Variants in WNK2 observed in about 807,000 individuals in gnomAD.
WNK2 encodes WNK lysine deficient protein kinase 2, also known as serine/threonine-protein kinase WNK2.
A neutral mutation model predicts 192.1 loss-of-function variants in WNK2; 67 were observed. The observed-to-expected ratio is 0.35, with a 90% CI of 0.29 to 0.43. The LOEUF (loss-of-function observed/expected upper bound fraction) is 0.43, where lower values mean the gene tolerates loss of function less well. Among genes scored for constraint, WNK2 ranks in the 20% least tolerant of loss-of-function variants. The probability of loss-of-function intolerance (pLI) is 1.00; values close to 1 mark genes in which losing one functional copy is unlikely to be tolerated. For synonymous variants in WNK2, 1,439 were observed against 1,393.9 expected (o/e 1.03, Z -0.72); for missense variants, 2,698 against 3,089.7 (o/e 0.87, Z 3.01).
intron 28 of WNK2, 149 bp downstream of exon 28, chr9:93,308,733 G>A (rs929630788): frequency 7.9e-6 from 11 of 1,388,718 alleles, no homozygotes; most frequent in Non-Finnish European, 1.0e-5. Flanking sequence ...CCAAGAACTA[G>A]GCTTGTCCAC....
rs988376364 is a variant in WNK2 at position 93,231,250 on chromosome 9, G to A, written c.1075+142G>A. ...GTCTGGGCACGGGAGCCTCGGGCCAGGGTGTCTGGGCTACCCCACCAAGCC... is the reference window on the plus strand; with the variant it reads ...GTCTGGGCACGGGAGCCTCGGGCCAAGGTGTCTGGGCTACCCCACCAAGCC... On this transcript the variant is annotated intron_variant, in intron 4 of 29. Transcript: ENST00000427277. 9.5e-5 allele frequency: 76 copies of A among 803,328 alleles called. 1 individual carries two copies. In the East Asian group the frequency reaches 1.7e-3, roughly 18 times the overall value. 49.8% of individuals were successfully genotyped at this position (803,328 alleles called of 1,614,324 possible).
intron 2 of WNK2, among the ~76,000 whole-genome samples, chr9:93,204,252 G>T (rs1587852206): frequency 6.6e-6 from 1 of 152,328 alleles, no homozygotes; most frequent in South Asian, 2.1e-4. Flanking sequence ...AGTGGGAGAA[G>T]CAGAGGCAAG....
intron 19 of WNK2, among the ~76,000 whole-genome samples, chr9:93,270,621 T>C (rs559936523): frequency 2.6e-5 from 4 of 152,310 alleles, no homozygotes; most frequent in Non-Finnish European, 5.9e-5. Context: ...AATGCTTTGG[T>C]GCAGGCAGGA....
chr9:93,279,322 A>G (rs1189238912), intron 19 of WNK2, among the ~76,000 whole-genome samples: 3 of 152,268 alleles, frequency 2.0e-5, no homozygotes, highest in Non-Finnish European at 2.9e-5. Context: ...ACAACAATCA[A>G]AGATTGAAAT....
chr9:93,317,485 G>A (rs1009148978), intron 28 of WNK2, 35 bp from the exon 29 acceptor site: 8 of 1,607,928 alleles, frequency 5.0e-6, no homozygotes, highest in African/African-American at 1.3e-5. Flanking sequence ...TTGCAGCCAC[G>A]TGTACCTTCC....
At chr9:93,267,617 G>A (rs1845378089) in intron 16 of WNK2, 129 bp from the exon 17 acceptor site, 1 of 1,104,956 alleles carries the variant, frequency 9.1e-7, no homozygotes, top group Non-Finnish European at 1.3e-6. Context: ...CCCCTGTCTT[G>A]GGGACTGCAC....
At chr9:93,201,414 G>A (rs1023610372) in intron 2 of WNK2, among the ~76,000 whole-genome samples, 10 of 152,338 alleles carry the variant, frequency 6.6e-5, no homozygotes, top group African/African-American at 1.9e-4. Flanking sequence ...GGGTGCTCAC[G>A]CTGCATGCTC....
At chr9:93,216,669 CT>C (rs1454584381) in intron 2 of WNK2, among the ~76,000 whole-genome samples, 6 of 151,768 alleles carry the variant, frequency 4.0e-5, no homozygotes, top group African/African-American at 1.5e-4. Flanking sequence ...TAGCGAGCAC[CT>C]GTGGTATCAG....
chr9:93,246,639 G>A (rs1436840742), intron 7 of WNK2, among the ~76,000 whole-genome samples: 2 of 152,190 alleles, frequency 1.3e-5, no homozygotes. Flanking sequence ...AGCCTCCATT[G>A]GTGCTGTCAC....
At chr9:93,317,446 C>G in intron 28 of WNK2, 74 bp from the exon 29 acceptor site, 4 of 1,478,828 alleles carry the variant, frequency 2.7e-6, no homozygotes, top group Non-Finnish European at 3.7e-6. Flanking sequence ...ACTGTGGCAC[C>G]CTGGGGGCCA....
chr9:93,215,649 T>C (rs954383773), intron 2 of WNK2, among the ~76,000 whole-genome samples: 1 of 152,238 alleles, frequency 6.6e-6, no homozygotes, highest in Non-Finnish European at 1.5e-5. Flanking sequence ...TACTTTTTAG[T>C]TCTAGATTTC....
chr9:93,185,873 G>A (rs1829215526), intron 2 of WNK2, among the ~76,000 whole-genome samples: 1 of 152,234 alleles, frequency 6.6e-6, no homozygotes, highest in Non-Finnish European at 1.5e-5. Flanking sequence ...TTTGGTGTAA[G>A]TGTGCACGCT....
chr9:93,297,741 G>A, intron 23 of WNK2, 112 bp from the exon 24 acceptor site: 2 of 1,109,372 alleles, frequency 1.8e-6, no homozygotes, highest in South Asian at 3.0e-5. Flanking sequence ...GCACAGGCAG[G>A]GTGCCCACCC....
In WNK2 at chr9:93,262,053, C is replaced by A; in HGVS notation, c.3306C>A (p.Pro1102=). Reference sequence around the variant, plus strand: ...CAAACCCACCGCTGCCTGGCGGGCCCGGGATCGCCAGCCCTTGCCCAACTG... The same window carrying A: ...CAAACCCACCGCTGCCTGGCGGGCCAGGGATCGCCAGCCCTTGCCCAACTG... ...PPANPPLPGG[P]GIASPCPTVQ... Residue 1102 remains proline (P), a synonymous_variant, in exon 13 of 30, where the codon CCC becomes CCA. Coordinates refer to ENST00000427277, the MANE Select transcript of WNK2 (RefSeq NM_006648.4). The A allele has an allele frequency of 6.2e-7, 1 of 1,609,850 alleles. No homozygotes were observed. The highest frequency in any genetic ancestry group is 1.7e-5 in the Admixed American group (1 of 59,922).
chr9:93,196,456 A>G (rs1831301299), intron 2 of WNK2, among the ~76,000 whole-genome samples: 1 of 152,054 alleles, frequency 6.6e-6, no homozygotes, highest in South Asian at 2.1e-4. Flanking sequence ...GTCCTCATCC[A>G]TGTTGGCATT....
At chr9:93,230,638 C>T (rs986078133) in intron 3 of WNK2, among the ~76,000 whole-genome samples, 1 of 152,246 alleles carries the variant, frequency 6.6e-6, no homozygotes, top group African/African-American at 2.4e-5. Flanking sequence ...TTAGTATGAG[C>T]TTTAGTAGCC....
At position 93,299,141 on chromosome 9, in the gene WNK2, G is replaced by C; in HGVS notation, c.5995G>C (p.Asp1999His). The C allele has an allele frequency of 6.2e-7, 1 of 1,612,128 alleles. No homozygotes were observed. Among genetic ancestry groups the C allele is most frequent in the Non-Finnish European group, 8.5e-7 (1 of 1,179,658 alleles). ...CCAAGCCAGTGTGGGGCTCACTGCA[G>C]ACAGCACGGGCCTGAGCGGGAAGGC... is the stretch of plus-strand genomic sequence containing the variant. ...PAQASVGLTA[D>H]STGLSGKAVQ... Residue 1999 changes from aspartate (D) to histidine (H), a missense_variant, in exon 25 of 30, where the codon GAC becomes CAC. Physicochemically the swap from Asp to His is moderately conservative, Grantham distance 81 (BLOSUM62 -1). Transcript: ENST00000427277.
At position 93,292,555 on chromosome 9, in the gene WNK2, G is replaced by A. The variant is rs749013927; in HGVS notation, c.5090G>A (p.Gly1697Glu). The A allele has an allele frequency of 3.8e-6, 6 of 1,571,192 alleles. No homozygotes were observed. The South Asian group carries it at 5.9e-5, about 16-fold the overall frequency. ...EPTDRDGGEA[G>E]ESSAEPPPSD... ...ACAGACAGGGATGGTGGAGAAGCTG[G>A]AGAAAGCTCGGCAGAGCCCCCGCCG... The change falls in exon 23 of 30, where the codon GGA becomes GAA. Residue 1697 changes from glycine to glutamate, a missense_variant. By Grantham distance (98) the Gly-to-Glu change is moderately conservative. Around this residue, in one of 7 missense-constraint regions of WNK2, gnomAD observed 1,098 missense variants for 1,101.0 expected, o/e 1.00. Transcript: ENST00000427277.
intron 19 of WNK2, among the ~76,000 whole-genome samples, chr9:93,272,769 G>A (rs1382391892): frequency 6.1e-5 from 8 of 131,942 alleles, no homozygotes; most frequent in South Asian, 2.3e-4. Context: ...CAAATAACCC[G>A]GAAGAGGAAA....
Sources: allele counts gnomAD v4.1 joint callset (sites outside exome capture counted in the v4.1 genomes callset), GRCh38; gene constraint gnomAD v4.1.1; regional missense constraint gnomAD v4.1.1; transcripts MANE v1.5; gene names NCBI Gene and HGNC (gene_info 2026-07-23, HGNC 2026-07-21).